Variants in SLC4A4 observed in about 807,000 individuals in gnomAD.
SLC4A4 encodes solute carrier family 4 member 4, also known as electrogenic sodium bicarbonate cotransporter 1.
A neutral mutation model predicts 111.5 loss-of-function variants in SLC4A4; 27 were observed. The observed-to-expected ratio is 0.24, with a 90% CI of 0.18 to 0.33. The LOEUF (loss-of-function observed/expected upper bound fraction) is 0.33. SLC4A4 is among the 10% of genes least tolerant of loss of function. SLC4A4 has a pLI of 1.00. For synonymous variants in SLC4A4, 443 were observed against 463.4 expected (o/e 0.96, Z 0.57); for missense variants, 909 against 1,315.5 (o/e 0.69, Z 4.78).
intron 3 of SLC4A4, among the ~76,000 whole-genome samples, chr4:71,323,733 C>T (rs545610026): frequency 1.6e-4 from 25 of 152,134 alleles, no homozygotes; most frequent in Middle Eastern, 3.4e-3. Flanking sequence ...TGTACTTACC[C>T]CCAAAATTCC....
chr4:71,395,286 G>A (rs1719713814), intron 6 of SLC4A4, among the ~76,000 whole-genome samples: 1 of 152,116 alleles, frequency 6.6e-6, no homozygotes, highest in Admixed American at 6.6e-5. Flanking sequence ...GAAGAATGCT[G>A]ATCATCTTGC....
chr4:71,421,704 A>G (rs1245678980), intron 7 of SLC4A4, among the ~76,000 whole-genome samples: 3 of 152,350 alleles, frequency 2.0e-5, no homozygotes, highest in African/African-American at 7.2e-5. Flanking sequence ...CCTCAACTTC[A>G]TGGAAACTGA....
chr4:71,556,977 G>A (rs1013929630), intron 21 of SLC4A4, among the ~76,000 whole-genome samples: 20 of 151,880 alleles, frequency 1.3e-4, no homozygotes, highest in African/African-American at 4.6e-4. Context: ...TCACTGGCAA[G>A]GTCAATTCGG....
intron 3 of SLC4A4, among the ~76,000 whole-genome samples, chr4:71,269,506 A>AT (rs1023909074): frequency 2.0e-5 from 3 of 151,800 alleles, no homozygotes; most frequent in Admixed American, 6.6e-5. Flanking sequence ...GTCTTTAAAA[A>AT]TTTTTTTTTG....
chr4:71,181,428 G>A (rs1197695999), intron 2 of SLC4A4, among the ~76,000 whole-genome samples: 2 of 152,144 alleles, frequency 1.3e-5, no homozygotes, highest in African/African-American at 4.8e-5. Flanking sequence ...GCCTGCTCTA[G>A]TTCCCCTTCC....
chr4:71,170,230 C>T (rs923616119), intron 2 of SLC4A4, among the ~76,000 whole-genome samples: 2 of 152,184 alleles, frequency 1.3e-5, no homozygotes, highest in African/African-American at 4.8e-5. Context: ...TTTACTGCCT[C>T]TCTTATCAAC....
chr4:71,335,669 C>CA lies in SLC4A4; in HGVS notation c.254-3695dup, dbSNP rs546322637. The stretch of plus-strand genomic sequence containing the variant: ...TGAAACCCCGTCTCTACTAAAAATA[C>CA]AAAAAATTAGCCGGGCATTGTGGTG... On this transcript the variant is annotated intron_variant, in intron 3 of 25. Coordinates refer to ENST00000264485, the MANE Select transcript of SLC4A4 (RefSeq NM_001098484.3). Among the ~76,000 whole-genome samples, 538 of 152,078 alleles carry CA rather than the reference C, an allele frequency of 3.5e-3. 3 individuals carry two copies. The highest frequency in any genetic ancestry group is 5.8e-3 in the Non-Finnish European group (395 of 67,964).
chr4:71,069,876 G>T (rs1741621110), intron 1 of SLC4A4, among the ~76,000 whole-genome samples: 1 of 151,948 alleles, frequency 6.6e-6, no homozygotes. Context: ...TTTTCTTAAT[G>T]AATAAAATTA....
chr4:71,227,601 C>A (rs990203684), intron 1 of SLC4A4, among the ~76,000 whole-genome samples: 2 of 152,128 alleles, frequency 1.3e-5, no homozygotes, highest in Admixed American at 1.3e-4. Context: ...GGGTATCATC[C>A]CTTCTTCCCT....
chr4:71,344,528 C>A (rs1729162712), intron 4 of SLC4A4, among the ~76,000 whole-genome samples: 1 of 152,096 alleles, frequency 6.6e-6, no homozygotes, highest in Non-Finnish European at 1.5e-5. Context: ...GAATCTTTTT[C>A]TGGCCAACTT....
chr4:71,179,069 T>C (rs1351253447), intron 2 of SLC4A4, among the ~76,000 whole-genome samples: 1 of 152,154 alleles, frequency 6.6e-6, no homozygotes, highest in Non-Finnish European at 1.5e-5. Flanking sequence ...TCAATAAACA[T>C]AATCCAGCAT....
At chr4:71,333,329 T>C (rs1728171191) in intron 3 of SLC4A4, among the ~76,000 whole-genome samples, 1 of 152,236 alleles carries the variant, frequency 6.6e-6, no homozygotes, top group Non-Finnish European at 1.5e-5. Context: ...CTGAGAGAAT[T>C]CCCTGGATTA....
Position 71,176,446 on chromosome 4 carries a change from A to C in SLC4A4, c.-1-60130A>C, listed in dbSNP as rs180826043. Among the ~76,000 whole-genome samples the C allele has an allele frequency of 4.1e-3, 631 of 152,302 alleles. 8 individuals are homozygous for C. The highest frequency in any genetic ancestry group is 0.014 in the African/African-American group (591 of 41,558). On this transcript the variant is annotated intron_variant, in intron 2 of 26. Coordinates refer to the SLC4A4 transcript ENST00000649996. ...AAAACCTTGAAAAAAAATTAGATGA[A>C]TGGCTAACTAGAATAACCAATGCAG...
At chr4:71,331,886 CTT>C (rs1459060632) in intron 3 of SLC4A4, among the ~76,000 whole-genome samples, 13 of 152,178 alleles carry the variant, frequency 8.5e-5, no homozygotes, top group African/African-American at 3.1e-4. Flanking sequence ...GGTTTTGAGT[CTT>C]TTCTTGGTTC....
At chr4:71,197,857 A>T (rs1271146038) in intron 1 of SLC4A4, among the ~76,000 whole-genome samples, 1 of 152,182 alleles carries the variant, frequency 6.6e-6, no homozygotes, top group Non-Finnish European at 1.5e-5. Context: ...CTAACTCTCT[A>T]TTTTGGGGGG....
intron 1 of SLC4A4, among the ~76,000 whole-genome samples, chr4:71,191,300 G>A (rs1380101846): frequency 1.3e-5 from 2 of 152,200 alleles, no homozygotes; most frequent in African/African-American, 4.8e-5. Context: ...TTGAAACTAT[G>A]TGCCTCTGTA....
intron 6 of SLC4A4, among the ~76,000 whole-genome samples, chr4:71,359,850 T>C (rs1730605858): frequency 6.6e-6 from 1 of 152,168 alleles, no homozygotes; most frequent in East Asian, 1.9e-4. Flanking sequence ...TCTTTAATCA[T>C]AGGCTACAAA....
At chr4:71,263,054 C>T (rs1040654201) in intron 3 of SLC4A4, among the ~76,000 whole-genome samples, 1 of 148,446 alleles carries the variant, frequency 6.7e-6, no homozygotes, top group African/African-American at 2.5e-5. Flanking sequence ...TGATGTTCCC[C>T]TTCATGTGTC....
chr4:71,212,844 G>T (rs1718210724), intron 1 of SLC4A4, among the ~76,000 whole-genome samples: 1 of 152,170 alleles, frequency 6.6e-6, no homozygotes, highest in Non-Finnish European at 1.5e-5. Flanking sequence ...AAAGGTGAGA[G>T]AAGTAAATAC....
Sources: allele counts gnomAD v4.1 joint callset (sites outside exome capture counted in the v4.1 genomes callset), GRCh38; gene constraint gnomAD v4.1.1; transcripts MANE v1.5; gene names NCBI Gene and HGNC (gene_info 2026-07-23, HGNC 2026-07-21).